AGBL4: variants seen among roughly 807,000 people sequenced by gnomAD.
The protein encoded by AGBL4 is AGBL carboxypeptidase 4.
A neutral mutation model predicts 66.4 loss-of-function variants in AGBL4; 58 were observed. The observed-to-expected ratio is 0.87, with a 90% CI of 0.71 to 1.09. The LOEUF (loss-of-function observed/expected upper bound fraction) is 1.09, where lower values mean the gene tolerates loss of function less well. AGBL4 is among the 50% of genes least tolerant of loss of function. The pLI is 0.00. For missense variants in AGBL4, 579 were observed against 631.0 expected, an observed-to-expected ratio of 0.92 and a Z score of 0.88; for synonymous variants, 234 against 222.9, an observed-to-expected ratio of 1.05 and a Z score of -0.44.
intron 11 of AGBL4, among the ~76,000 whole-genome samples, chr1:48,579,221 TTTTTTATTTTTA>T (rs771236108): frequency 2.0e-5 from 3 of 151,666 alleles, no homozygotes. Context: ...TATCATATTG[TTTTTTATTTTTA>T]TTTTTATTTT....
chr1:49,578,560 T>C (rs1020753850), intron 3 of AGBL4, among the ~76,000 whole-genome samples: 3 of 152,244 alleles, frequency 2.0e-5, no homozygotes, highest in African/African-American at 7.2e-5. Flanking sequence ...AAAAACATGT[T>C]TGTGCACGTA....
chr1:49,767,055 G>C lies in AGBL4; in HGVS notation c.158-69618C>G, dbSNP rs1443086184. 4.6e-5 allele frequency among the ~76,000 whole-genome samples: 7 copies of C among 152,106 alleles called. No homozygotes were observed. In the East Asian group the frequency reaches 1.4e-3, roughly 29 times the overall value. On this transcript the variant is annotated intron_variant, in intron 2 of 13. Coordinates refer to ENST00000371839, the MANE Select transcript of AGBL4 (RefSeq NM_032785.4). ...TACTAAAATGCAGATGATCAAAGAA[G>C]AAAACTAGCAAAGACATTCTGCACA... is the stretch of plus-strand genomic sequence containing the variant.
intron 4 of AGBL4, among the ~76,000 whole-genome samples, chr1:49,089,500 A>G (rs976190517): frequency 6.6e-6 from 1 of 152,176 alleles, no homozygotes; most frequent in Non-Finnish European, 1.5e-5. Context: ...AACATCTGCA[A>G]TAAATGATTA....
chr1:49,765,516 C>T (rs1381513584), intron 2 of AGBL4, among the ~76,000 whole-genome samples: 1 of 152,006 alleles, frequency 6.6e-6, no homozygotes, highest in Non-Finnish European at 1.5e-5. Context: ...AAGGAACCAC[C>T]ATAAGAATTC....
rs568570231 is a variant in AGBL4 at position 49,453,190 on chromosome 1, T to C, written c.283-207326A>G. On this transcript the variant is annotated intron_variant, in intron 3 of 13. Transcript: ENST00000371839. Reference sequence around the variant, plus strand: ...TCTTCTTCTAAAGGGGTATTAACCATACAATGTCACCATTCATTAACAAAT... The same window carrying C: ...TCTTCTTCTAAAGGGGTATTAACCACACAATGTCACCATTCATTAACAAAT... Among the ~76,000 whole-genome samples the C allele has an allele frequency of 1.2e-4, 18 of 152,054 alleles. No homozygotes were observed. The South Asian group carries it at 2.3e-3, about 19-fold the overall frequency.
At chr1:49,947,988 T>TA (rs1655437669) in intron 1 of AGBL4, among the ~76,000 whole-genome samples, 2 of 59,450 alleles carry the variant, frequency 3.4e-5, no homozygotes, top group African/African-American at 7.3e-5. Context: ...AAATATATAT[T>TA]TATATATATA....
intron 4 of AGBL4, among the ~76,000 whole-genome samples, chr1:49,179,672 A>G (rs1036139026): frequency 1.3e-5 from 2 of 152,008 alleles, no homozygotes; most frequent in African/African-American, 4.8e-5. Flanking sequence ...AATACTAGAT[A>G]GACTATTAAG....
chr1:49,167,368 T>A (rs1646653907), intron 4 of AGBL4, among the ~76,000 whole-genome samples: 1 of 152,206 alleles, frequency 6.6e-6, no homozygotes, highest in South Asian at 2.1e-4. Context: ...TTTCTACTTC[T>A]CTATCTGACA....
chr1:49,870,578 C>T (rs1646814637), intron 1 of AGBL4, among the ~76,000 whole-genome samples: 1 of 149,490 alleles, frequency 6.7e-6, no homozygotes, highest in African/African-American at 2.5e-5. Flanking sequence ...CTACAATGTA[C>T]CCTTAAAAAT....
At chr1:49,357,456 G>C (rs1181605771) in intron 3 of AGBL4, among the ~76,000 whole-genome samples, 1 of 152,090 alleles carries the variant, frequency 6.6e-6, no homozygotes, top group Admixed American at 6.5e-5. Context: ...AAGTAGAGAG[G>C]GGCCTGCAAT....
chr1:50,004,372 C>T (rs1168695719), intron 1 of AGBL4, among the ~76,000 whole-genome samples: 1 of 152,176 alleles, frequency 6.6e-6, no homozygotes, highest in African/African-American at 2.4e-5. Flanking sequence ...GCCACTAGGA[C>T]TGTAATTCCT....
chr1:49,303,451 T>TTTTAGTTATTTATTTA (rs1553180397), intron 3 of AGBL4, among the ~76,000 whole-genome samples: 1 of 147,240 alleles, frequency 6.8e-6, no homozygotes, highest in African/African-American at 2.6e-5. Context: ...CATAAATGTC[T>TTTTAGTTATTTATTTA]TTTATTTATT....
intron 3 of AGBL4, among the ~76,000 whole-genome samples, chr1:49,423,845 C>T (rs765315518): frequency 3.4e-5 from 5 of 148,292 alleles, no homozygotes; most frequent in African/African-American, 1.0e-4. Context: ...GGGCAACTAA[C>T]GTAAATGGTT....
intron 3 of AGBL4, among the ~76,000 whole-genome samples, chr1:49,587,473 T>A (rs1295227685): frequency 6.6e-6 from 1 of 152,214 alleles, no homozygotes; most frequent in Non-Finnish European, 1.5e-5. Flanking sequence ...TTTATTCACC[T>A]CTGTATCACT....
intron 1 of AGBL4, among the ~76,000 whole-genome samples, chr1:50,014,882 T>G (rs1316792637): frequency 2.6e-5 from 4 of 152,212 alleles, no homozygotes; most frequent in Non-Finnish European, 5.9e-5. Context: ...TTCAAATTTT[T>G]GTGTGCTTGC....
At chr1:48,569,990 T>G (rs958187776) in intron 11 of AGBL4, among the ~76,000 whole-genome samples, 1 of 152,236 alleles carries the variant, frequency 6.6e-6, no homozygotes. Context: ...GGAGATTGTT[T>G]GCCCTTACAA....
intron 5 of AGBL4, among the ~76,000 whole-genome samples, chr1:48,932,451 A>T (rs12035260): frequency 0.15 from 22,500 of 152,110 alleles, 2,111 homozygotes; most frequent in African/African-American, 0.27. Flanking sequence ...TTCTGATCAT[A>T]TTTTTGGCTG....
At chr1:49,732,634 T>A (rs1021490030) in intron 2 of AGBL4, among the ~76,000 whole-genome samples, 1 of 152,000 alleles carries the variant, frequency 6.6e-6, no homozygotes, top group Admixed American at 6.6e-5. Flanking sequence ...ATAACTAGAA[T>A]AAAAATTCAG....
At chr1:49,393,894 C>G (rs113117462) in intron 3 of AGBL4, among the ~76,000 whole-genome samples, 3 of 152,118 alleles carry the variant, frequency 2.0e-5, no homozygotes, top group Non-Finnish European at 4.4e-5. Context: ...ATTTGTTGAA[C>G]ACTTCGGTGT....
Sources: allele counts gnomAD v4.1 joint callset (sites outside exome capture counted in the v4.1 genomes callset), GRCh38; gene constraint gnomAD v4.1.1; transcripts MANE v1.5; gene names NCBI Gene and HGNC (gene_info 2026-07-23, HGNC 2026-07-21).